CC2D1B: variants seen among roughly 807,000 people sequenced by gnomAD.
CC2D1B encodes coiled-coil and C2 domain containing 1B.
CC2D1B carries 92 observed loss-of-function variants against 110.8 expected under a neutral mutation model. That is an observed-to-expected ratio of 0.83 (90% CI 0.70 to 0.99). The LOEUF is 0.99. Among genes scored for constraint, CC2D1B ranks in the 50% least tolerant of loss-of-function variants. The pLI, the probability that CC2D1B is intolerant of heterozygous loss-of-function variation, is 0.00. For missense variants in CC2D1B, 1,136 were observed against 1,089.0 expected, an observed-to-expected ratio of 1.04 and a Z score of -0.61; for synonymous variants, 406 against 429.2, an observed-to-expected ratio of 0.95 and a Z score of 0.67.
intron 2 of CC2D1B, among the ~76,000 whole-genome samples, chr1:52,363,046 G>A (rs74080945): frequency 0.032 from 4,797 of 152,274 alleles, 178 homozygotes; most frequent in African/African-American, 0.092. Flanking sequence ...TGTTCTTAGC[G>A]TTCTATGTGA....
In CC2D1B at chr1:52,352,294, TTTC is replaced by T. The variant is rs1022197229; in HGVS notation, c.*928_*930del. 1.3e-5 allele frequency: 2 copies of T among 152,484 alleles called. No homozygotes were observed. Among genetic ancestry groups the T allele is most frequent in the African/African-American group, 4.8e-5 (2 of 41,426 alleles). The allele number at this position is 152,484 out of a possible 1,614,324, so 9.4% of individuals were successfully genotyped here. The stretch of plus-strand genomic sequence containing the variant: ...TCAGAAAAACAAAGCCAAAGGAGAA[TTTC>T]TTGTGGAAAAAAACTAAGGAAGTTC... On this transcript the variant is annotated 3_prime_UTR_variant, in exon 25 of 25. Transcript: ENST00000284376.
rs749360551 is a variant in CC2D1B at position 52,361,584 on chromosome 1, C to T, written c.247G>A (p.Ala83Thr). 4.2e-5 allele frequency: 67 copies of T among 1,613,774 alleles called. No individual in the cohort carries two copies. The highest frequency in any genetic ancestry group is 5.7e-5 in the Non-Finnish European group (67 of 1,180,028). Reference protein sequence around the residue: ...PLPMAHIEKLAADCMRDVEEE... With the variant: ...PLPMAHIEKLTADCMRDVEEE... ...TCCACATCCCGCATACAGTCTGCCG[C>T]CAACTTCTCGATGTGGGCCATGGGC... Residue 83 changes from alanine to threonine, a missense_variant, in exon 4 of 25, where the codon GCG becomes ACG. By Grantham distance (58) the Ala-to-Thr change is moderately conservative. Coordinates refer to ENST00000284376, the MANE Select transcript of CC2D1B (RefSeq NM_001330585.2).
Position 52,359,344 on chromosome 1 carries a change from C to T in CC2D1B, c.1032G>A (p.Gln344=), listed in dbSNP as rs777794852. ...GTGCTGTGGGAGCCTGAGAAGCCTG[C>T]TGGGGCTTCAGATCTGGGGGACCCA... is the stretch of plus-strand genomic sequence containing the variant. ...MPPAPEDLKP[Q]QASQAPTAPS... is the part of the protein sequence containing the mutation. Residue 344 remains glutamine, a synonymous_variant, in exon 10 of 25, where the codon CAG becomes CAA. Coordinates refer to ENST00000284376, the MANE Select transcript of CC2D1B (RefSeq NM_001330585.2). 28 of 1,613,320 alleles carry T rather than the reference C, an allele frequency of 1.7e-5. No individual in the cohort carries two copies. The highest frequency in any genetic ancestry group is 2.4e-5 in the Non-Finnish European group (28 of 1,179,816).
rs1351703697 is a variant in CC2D1B at position 52,358,751 on chromosome 1, T to A, written c.1265A>T (p.Gln422Leu). 2 of 1,609,540 alleles carry A rather than the reference T, an allele frequency of 1.2e-6. No individual in the cohort carries two copies. Among genetic ancestry groups the A allele is most frequent in the African/African-American group, 2.7e-5 (2 of 74,580 alleles). ...RMHERIAKQY[Q>L]DAIRAHRAGR... ...TGCTCGGTGTGCTCGAATAGCATCT[T>A]GATATTGCTGCAAGGGAAGGAAGGG... The change falls in exon 12 of 25, where the codon CAA (glutamine) becomes CTA (leucine). Residue 422 changes from glutamine to leucine, a missense_variant. Gln to Leu is a moderately radical substitution (Grantham distance 113). Coordinates refer to ENST00000284376, the MANE Select transcript of CC2D1B (RefSeq NM_001330585.2).
At position 52,359,293 on chromosome 1, in the gene CC2D1B, C is replaced by T; in HGVS notation, c.1083G>A (p.Glu361=). Residue 361 remains glutamate (E), a synonymous_variant, in exon 10 of 25, where the codon GAG becomes GAA. Transcript: ENST00000284376. ...CAGGGGCCATCACTGGCTGCACTCG[C>T]TCCACGGCTGGGGGAATGACTGAGG... ...TAPSVIPPAV[E]RVQPVMAPDV... is the part of the protein sequence containing the mutation. 6.2e-7 allele frequency: 1 copy of T among 1,613,418 alleles called. No homozygotes were observed. The highest frequency in any genetic ancestry group is 8.5e-7 in the Non-Finnish European group (1 of 1,179,784).
intron 21 of CC2D1B, 57 bp downstream of exon 21, chr1:52,355,341 A>C (rs1450507415): frequency 6.3e-7 from 1 of 1,577,564 alleles, no homozygotes; most frequent in African/African-American, 1.3e-5. Context: ...CTCTGGAAAC[A>C]CCAGTGCTGC....
At chr1:52,361,257 C>G in intron 4 of CC2D1B, 125 bp from the exon 5 acceptor site, 1 of 1,269,698 alleles carries the variant, frequency 7.9e-7, no homozygotes, top group Non-Finnish European at 1.1e-6. Flanking sequence ...GCCTGAGTCC[C>G]CTTCACCAAA....
rs769012646 is a variant in CC2D1B at position 52,353,624 on chromosome 1, G to C, written c.2454C>G (p.Thr818=). The change falls in exon 24 of 25, where the codon ACC becomes ACG. Residue 818 remains threonine, a synonymous_variant. Transcript: ENST00000284376. ...IVEVLDGRKP[T]GGKLEVKVRL... is the part of the protein sequence containing the mutation. ...TCACCTTCACCTCCAGCTTCCCCCC[G>C]GTGGGCTTCCTTCCATCCAGGACCT... is the stretch of plus-strand genomic sequence containing the variant. The C allele has an allele frequency of 3.1e-6, 5 of 1,607,482 alleles. No homozygotes were observed. In the African/African-American group the frequency reaches 6.7e-5, roughly 22 times the overall value.
intron 3 of CC2D1B, 117 bp downstream of exon 3, chr1:52,362,485 G>A: frequency 1.6e-6 from 2 of 1,219,638 alleles, no homozygotes; most frequent in Non-Finnish European, 2.3e-6. Flanking sequence ...GCGGCAGATG[G>A]GTATTGGAAG....
At chr1:52,361,924 A>G (rs1263451949) in intron 3 of CC2D1B, among the ~76,000 whole-genome samples, 1 of 152,248 alleles carries the variant, frequency 6.6e-6, no homozygotes, top group Non-Finnish European at 1.5e-5. Context: ...AAGATTTTCA[A>G]AGTCCAACAG....
chr1:52,360,919 T>A, intron 5 of CC2D1B, 55 bp downstream of exon 5: 2 of 1,593,368 alleles, frequency 1.3e-6, no homozygotes, highest in South Asian at 2.2e-5. Flanking sequence ...ACACACGTGT[T>A]ACGTCTGGGC....
intron 15 of CC2D1B, 37 bp downstream of exon 15, chr1:52,357,489 C>T: frequency 6.5e-7 from 1 of 1,543,156 alleles, no homozygotes; most frequent in Non-Finnish European, 8.8e-7. Context: ...GCCACCTCCG[C>T]CTGAGAAGTC....
rs201685444 is a variant in CC2D1B at position 52,359,880 on chromosome 1, T to C, written c.767A>G (p.Asn256Ser). The C allele has an allele frequency of 2.1e-5, 33 of 1,609,560 alleles. 1 individual carries two copies. In the East Asian group the frequency reaches 6.7e-4, roughly 33 times the overall value. The change falls in exon 8 of 25, where the codon AAC (asparagine) becomes AGC (serine). Residue 256 changes from asparagine (N) to serine (S), a missense_variant. Transcript: ENST00000284376. Reference sequence around the variant, plus strand: ...GAGGCTGGTCTCAGGTTGGGAGGGGTTGTCTATAAGGAAACAAACAGTCCC... The same window carrying C: ...GAGGCTGGTCTCAGGTTGGGAGGGGCTGTCTATAAGGAAACAAACAGTCCC... ...PPAPPALESD[N>S]PSQPETSLPG... is the part of the protein sequence containing the mutation.
At chr1:52,358,533 TCTGGGGCATGGCTCTG>T (rs1361155182) in intron 12 of CC2D1B, 72 bp from the exon 13 acceptor site, 18 of 1,606,656 alleles carry the variant, frequency 1.1e-5, no homozygotes, top group East Asian at 4.5e-5. Context: ...CGGGGCCCTG[TCTGGGGCATGGCTCTG>T]CTGGGGCATG....
intron 16 of CC2D1B, 103 bp downstream of exon 16, chr1:52,356,898 G>A: frequency 3.0e-6 from 4 of 1,331,648 alleles, no homozygotes; most frequent in Non-Finnish European, 4.0e-6. Flanking sequence ...AAGTGGAAGA[G>A]CTGAGAATTT....
Position 52,357,870 on chromosome 1 carries a change from GC to G in CC2D1B, c.1489del (p.Ala497ProfsTer67), listed in dbSNP as rs1557546616. ...EGEPPAQAPV[A>X]KKPARPTVPS... ...GACTGTGGGCCGTGCAGGTTTCTTG[GC>G]CACTGGGGCCTGTGCTGGGGGCTCA... On this transcript the variant is annotated frameshift_variant, in exon 14 of 25. Transcript: ENST00000284376. LOFTEE classifies it high-confidence loss of function. 2.5e-6 allele frequency: 4 copies of G among 1,579,728 alleles called. No homozygotes were observed. Among genetic ancestry groups the G allele is most frequent in the Admixed American group, 1.9e-5 (1 of 53,784 alleles).
At chr1:52,361,215 T>C in intron 4 of CC2D1B, 83 bp from the exon 5 acceptor site, 1 of 1,521,006 alleles carries the variant, frequency 6.6e-7, no homozygotes, top group Non-Finnish European at 9.0e-7. Flanking sequence ...GGACCCTCTC[T>C]CTCAGCAATA....
Position 52,358,724 on chromosome 1 carries a change from C to G in CC2D1B, c.1292G>C (p.Gly431Ala). 6.2e-7 allele frequency: 1 copy of G among 1,613,406 alleles called. No homozygotes were observed. The highest frequency in any genetic ancestry group is 8.5e-7 in the Non-Finnish European group (1 of 1,179,814). Reference protein sequence around the residue: ...YQDAIRAHRAGRKVNFAELPV... With the variant: ...YQDAIRAHRAARKVNFAELPV... ...CAATTCAGCAAAGTTGACTTTCCGTCCTGCTCGGTGTGCTCGAATAGCATC... is the reference window on the plus strand; with the variant it reads ...CAATTCAGCAAAGTTGACTTTCCGTGCTGCTCGGTGTGCTCGAATAGCATC... The change falls in exon 12 of 25, where the codon GGA becomes GCA. Residue 431 changes from glycine (G) to alanine (A), a missense_variant. Coordinates refer to ENST00000284376, the MANE Select transcript of CC2D1B (RefSeq NM_001330585.2).
In CC2D1B at chr1:52,361,112, T is replaced by C; in HGVS notation, c.339A>G (p.Leu113=). The C allele has an allele frequency of 6.2e-7, 1 of 1,613,988 alleles. No individual in the cohort carries two copies. The highest frequency in any genetic ancestry group is 8.5e-7 in the Non-Finnish European group (1 of 1,179,980). Residue 113 remains leucine, a synonymous_variant, in exon 5 of 25, where the codon TTA becomes TTG. Transcript: ENST00000284376. ...GGGGCTCAGTCTCCTCGTCCACACCTAAGACCTCCTGCAGCTCCGTCTAGG... is the reference window on the plus strand; with the variant it reads ...GGGGCTCAGTCTCCTCGTCCACACCCAAGACCTCCTGCAGCTCCGTCTAGG... The part of the protein sequence containing the change: ...AELLTELQEV[L]GVDEETEPLD...
Sources: gnomAD v4.1 joint callset for allele counts (sites outside exome capture counted in the v4.1 genomes callset) on GRCh38, gnomAD v4.1.1 for gene constraint, MANE v1.5 for transcripts, NCBI Gene and HGNC (gene_info 2026-07-23, HGNC 2026-07-21) for gene names.